The following MAF variants were observed in gnomAD, a reference collection of about 807,000 sequenced individuals.
The protein encoded by MAF is transcription factor Maf.
In MAF, 10 loss-of-function variants were observed where a neutral mutation model predicts 22.0. That is an observed-to-expected ratio of 0.45 (90% CI 0.28 to 0.77). The LOEUF is 0.77. MAF is among the 30% of genes least tolerant of loss of function. The pLI is 0.12. For missense variants in MAF, 544 were observed against 548.4 expected (o/e 0.99, Z 0.08); for synonymous variants, 337 against 255.8 (o/e 1.32, Z -3.03).
chr16:79,532,672 A>G, the MAF span, among the ~76,000 whole-genome samples: 1 of 152,234 alleles, frequency 6.6e-6, no homozygotes, highest in Non-Finnish European at 1.5e-5. Context: ...AAGATATGAA[A>G]TATGCGTCAT....
chr16:79,231,137 C>T, the MAF span, among the ~76,000 whole-genome samples: 3 of 152,022 alleles, frequency 2.0e-5, no homozygotes, highest in South Asian at 2.1e-4. Flanking sequence ...GGGACAGCCA[C>T]GATACTGTCT....
the MAF span, among the ~76,000 whole-genome samples, chr16:79,537,572 T>C: frequency 1.3e-5 from 2 of 152,132 alleles, no homozygotes; most frequent in African/African-American, 2.4e-5. Flanking sequence ...AGGATGTTAC[T>C]TTGCCTAGAA....
chr16:79,242,620 C>A, the MAF span, among the ~76,000 whole-genome samples: 1 of 151,890 alleles, frequency 6.6e-6, no homozygotes, highest in Non-Finnish European at 1.5e-5. Context: ...CTTTAACACC[C>A]CACTGTCAAT....
chr16:79,453,650 A>G, the MAF span, among the ~76,000 whole-genome samples: 1 of 152,224 alleles, frequency 6.6e-6, no homozygotes, highest in African/African-American at 2.4e-5. Flanking sequence ...TCTTTATCCC[A>G]AACTTTTTCT....
the MAF span, among the ~76,000 whole-genome samples, chr16:79,336,277 C>T: frequency 5.3e-5 from 8 of 152,330 alleles, no homozygotes; most frequent in South Asian, 1.7e-3. Context: ...TTTTGAGCTT[C>T]ACAACCAACG....
the MAF span, among the ~76,000 whole-genome samples, chr16:79,550,042 C>T: frequency 6.6e-6 from 1 of 152,232 alleles, no homozygotes; most frequent in East Asian, 1.9e-4. Context: ...TGTTTTACTT[C>T]CATCTCTGTA....
chr16:79,393,599 C>T, the MAF span, among the ~76,000 whole-genome samples: 2 of 152,126 alleles, frequency 1.3e-5, no homozygotes, highest in Non-Finnish European at 2.9e-5. Flanking sequence ...CCAGCTCCAG[C>T]CCCTGGGTGC....
At chr16:79,492,406 A>T in the MAF span, among the ~76,000 whole-genome samples, 23 of 152,086 alleles carry the variant, frequency 1.5e-4, no homozygotes, top group Non-Finnish European at 2.6e-4. Context: ...GAAAGACCGG[A>T]TCTGACCCTG....
At chr16:79,595,431 C>T (rs373828699) in intron 1 of MAF, 23 of 1,055,470 alleles carry the variant, frequency 2.2e-5, no homozygotes, top group Admixed American at 1.1e-4. Flanking sequence ...CTTTTAAGAA[C>T]GGCAGAAAAC....
chr16:79,513,423 T>C, the MAF span, among the ~76,000 whole-genome samples: 2 of 152,224 alleles, frequency 1.3e-5, no homozygotes, highest in Non-Finnish European at 2.9e-5. Flanking sequence ...TCATGAGGAT[T>C]TGAGATAATA....
At chr16:79,469,950 C>T in the MAF span, among the ~76,000 whole-genome samples, 56 of 152,174 alleles carry the variant, frequency 3.7e-4, no homozygotes, top group African/African-American at 1.4e-3. Flanking sequence ...ATTTTGTTCC[C>T]ATTTTACAGA....
chr16:79,331,216 C>A, the MAF span, among the ~76,000 whole-genome samples: 3 of 152,172 alleles, frequency 2.0e-5, no homozygotes, highest in African/African-American at 7.2e-5. Flanking sequence ...GTGTCTTAAT[C>A]TTTTGCCTGG....
At chr16:79,259,857 G>A in the MAF span, among the ~76,000 whole-genome samples, 1 of 152,140 alleles carries the variant, frequency 6.6e-6, no homozygotes, top group African/African-American at 2.4e-5. Flanking sequence ...TTCTAATGGG[G>A]TGGGAAGGGG....
At chr16:79,503,264 T>G in the MAF span, among the ~76,000 whole-genome samples, 2 of 152,186 alleles carry the variant, frequency 1.3e-5, no homozygotes, top group African/African-American at 4.8e-5. Context: ...TTTTATTGAG[T>G]GTCTACACTG....
At chr16:79,484,941 A>C in the MAF span, among the ~76,000 whole-genome samples, 1 of 152,200 alleles carries the variant, frequency 6.6e-6, no homozygotes, top group Non-Finnish European at 1.5e-5. Flanking sequence ...CTGGCTTTGC[A>C]CCTTGGACCT....
the MAF span, among the ~76,000 whole-genome samples, chr16:79,369,797 T>C: frequency 6.6e-6 from 1 of 152,260 alleles, no homozygotes; most frequent in African/African-American, 2.4e-5. Context: ...AGTGGCATTC[T>C]GGCCAATCTC....
chr16:79,477,396 A>C, the MAF span, among the ~76,000 whole-genome samples: 1 of 152,294 alleles, frequency 6.6e-6, no homozygotes, highest in South Asian at 2.1e-4. Flanking sequence ...CTTTGCACAG[A>C]ATAAAGAAGG....
rs1009405272 is a variant in MAF, at chr16:79,594,151, A to G, written c.*309T>C. On this transcript the variant is annotated 3_prime_UTR_variant, in exon 2 of 2. Transcript: ENST00000326043. ...CATTCCGGGAAACTTTCCATTATAT[A>G]TATGCATATATATGTATCTTTGTAA... 30 of 365,808 alleles carry G rather than the reference A, an allele frequency of 8.2e-5. No homozygotes were observed. The highest frequency in any genetic ancestry group is 6.0e-4 in the African/African-American group (30 of 49,874). The allele number at this position is 365,808 out of a possible 1,614,324, so 22.7% of individuals were successfully genotyped here. A position where few individuals can be genotyped will look rare whatever the true frequency, so the allele number is the denominator to read the frequency against.
the MAF span, among the ~76,000 whole-genome samples, chr16:79,349,272 C>G: frequency 6.6e-6 from 1 of 152,130 alleles, no homozygotes; most frequent in Non-Finnish European, 1.5e-5. Flanking sequence ...CTCATAATGC[C>G]CAGGTCAGGC....
Sources: gnomAD v4.1 joint callset for allele counts (sites outside exome capture counted in the v4.1 genomes callset) on GRCh38, gnomAD v4.1.1 for gene constraint, MANE v1.5 for transcripts, NCBI Gene and HGNC (gene_info 2026-07-23, HGNC 2026-07-21) for gene names.